ARHGEF4: variants seen among roughly 807,000 people sequenced by gnomAD.
ARHGEF4 encodes Rho guanine nucleotide exchange factor 4.
ARHGEF4 carries 119 observed loss-of-function variants against 162.0 expected under a neutral mutation model. That is an observed-to-expected ratio of 0.73 (90% CI 0.63 to 0.86). The LOEUF is 0.86. Among genes scored for constraint, ARHGEF4 ranks in the 40% least tolerant of loss-of-function variants. The probability of loss-of-function intolerance (pLI) is 0.00; values close to 1 mark genes in which losing one functional copy is unlikely to be tolerated. For synonymous variants in ARHGEF4, 1,014 were observed against 979.9 expected (o/e 1.03, Z -0.65); for missense variants, 2,488 against 2,456.0 (o/e 1.01, Z -0.28).
Position 130,987,164 on chromosome 2 carries a change from C to G in ARHGEF4, c.3985+40529C>G, listed in dbSNP as rs78026993. ...GTGGGCAGCACTGCACTGCCTGGTA[C>G]CACACACCATCTGGGCAGGTCGTGG... On this transcript the variant is annotated intron_variant, in intron 4 of 13. Coordinates refer to ENST00000409359, the MANE Select transcript of ARHGEF4 (RefSeq NM_001367493.1). Among the ~76,000 whole-genome samples the G allele has an allele frequency of 2.8e-4, 43 of 152,316 alleles. No homozygotes were observed. In the East Asian group the frequency reaches 8.3e-3, roughly 29 times the overall value.
chr2:130,901,525 T>C (rs563527485), intron 1 of ARHGEF4, among the ~76,000 whole-genome samples: 15 of 108,542 alleles, frequency 1.4e-4, no homozygotes, highest in Admixed American at 1.4e-3. Context: ...CCCATATTCT[T>C]TTTTTTTTTT....
chr2:131,029,613 C>T (rs1036554826), intron 5 of ARHGEF4, among the ~76,000 whole-genome samples: 1 of 149,036 alleles, frequency 6.7e-6, no homozygotes, highest in Admixed American at 6.7e-5. Context: ...TGCATTGGCA[C>T]AGTGGTCTCG....
At chr2:130,922,922 T>TTATATA (rs1681972835) in intron 2 of ARHGEF4, among the ~76,000 whole-genome samples, 1 of 40,760 alleles carries the variant, frequency 2.5e-5, no homozygotes, top group Non-Finnish European at 1.3e-4. Flanking sequence ...CCCTCTTTAA[T>TTATATA]GATATATATA....
chr2:130,906,106 T>C (rs139700755), intron 1 of ARHGEF4, among the ~76,000 whole-genome samples: 2,028 of 152,372 alleles, frequency 0.013, 26 homozygotes, highest in South Asian at 0.028. Context: ...TCCTTATTTT[T>C]AATTCTTGAG....
At chr2:131,035,261 G>C (rs1229678364) in intron 5 of ARHGEF4, 1 of 1,221,952 alleles carries the variant, frequency 8.2e-7, no homozygotes, top group Non-Finnish European at 1.0e-6. Flanking sequence ...GCCTTCCGCT[G>C]AGCGGCCGCG....
chr2:131,021,060 G>T (rs1689095506), intron 4 of ARHGEF4, among the ~76,000 whole-genome samples: 1 of 151,800 alleles, frequency 6.6e-6, no homozygotes, highest in South Asian at 2.1e-4. Flanking sequence ...AAATTTGTTT[G>T]AGTTCATTGT....
chr2:130,875,750 C>A (rs1328033248), intron 1 of ARHGEF4, among the ~76,000 whole-genome samples: 4 of 152,218 alleles, frequency 2.6e-5, no homozygotes, highest in African/African-American at 7.2e-5. Flanking sequence ...ATAGCTCCTA[C>A]CAAGATATTC....
At chr2:131,023,924 G>A (rs1689305889) in intron 4 of ARHGEF4, among the ~76,000 whole-genome samples, 2 of 152,214 alleles carry the variant, frequency 1.3e-5, no homozygotes, top group South Asian at 4.1e-4. Flanking sequence ...TCCATGGAAT[G>A]ACATGGAATA....
intron 4 of ARHGEF4, among the ~76,000 whole-genome samples, chr2:131,022,552 TCGGTGG>T (rs1206531237): frequency 6.6e-6 from 1 of 151,984 alleles, no homozygotes; most frequent in African/African-American, 2.4e-5. Context: ...CAAAAGCAAT[TCGGTGG>T]AGAAATGATA....
intron 5 of ARHGEF4, among the ~76,000 whole-genome samples, chr2:131,032,962 C>T (rs1224049776): frequency 1.3e-5 from 2 of 150,332 alleles, no homozygotes; most frequent in Non-Finnish European, 2.9e-5. Flanking sequence ...AAGTGATCCT[C>T]CCACCTCAGT....
At chr2:130,996,232 C>T (rs778281825) in intron 4 of ARHGEF4, among the ~76,000 whole-genome samples, 1 of 152,182 alleles carries the variant, frequency 6.6e-6, no homozygotes. Flanking sequence ...GGAATGGGCA[C>T]CCTGGCTCCC....
chr2:131,035,673 A>G lies in ARHGEF4; in HGVS notation c.4126-3180A>G, dbSNP rs114173172. The G allele has an allele frequency of 6.4e-3, 6,303 of 987,220 alleles. 106 individuals carry two copies. The highest frequency in any genetic ancestry group is 0.06 in the African/African-American group (3,448 of 57,434). The allele number at this position is 987,220 out of a possible 1,614,324, so 61.2% of individuals were successfully genotyped here. On this transcript the variant is annotated intron_variant, in intron 5 of 13. Transcript: ENST00000409359. ...GGAAGACCCCCGGGCACCGCTGCGCATGTTACCTGCAGTTGTTTTTCCCGT... is the reference window on the plus strand; with the variant it reads ...GGAAGACCCCCGGGCACCGCTGCGCGTGTTACCTGCAGTTGTTTTTCCCGT...
chr2:130,844,697 C>T (rs1680832686), intron 1 of ARHGEF4, among the ~76,000 whole-genome samples: 1 of 152,084 alleles, frequency 6.6e-6, no homozygotes, highest in African/African-American at 2.4e-5. Context: ...AACCCCTTCA[C>T]TCTCAGGGGC....
rs1690522717 is a variant in ARHGEF4, at chr2:131,038,913, GACCA to G, written c.4187_4190del (p.Asp1396GlyfsTer13). The G allele has an allele frequency of 1.2e-6, 2 of 1,613,516 alleles. No homozygotes were observed. Among genetic ancestry groups the G allele is most frequent in the Admixed American group, 3.3e-5 (2 of 60,004 alleles). ...ACTCTGGGACCATGTCACCATGGACGACCAGGAGCTGGGCTTCAAAGCTGGGGAC... is the reference window on the plus strand; with the variant it reads ...ACTCTGGGACCATGTCACCATGGACGGGAGCTGGGCTTCAAAGCTGGGGAC... On this transcript the variant is annotated frameshift_variant, in exon 6 of 14. Transcript: ENST00000409359. LOFTEE classifies it high-confidence loss of function.
rs560054934 is a variant in ARHGEF4, at chr2:130,952,952, A to C, written c.3985+6317A>C. Among the ~76,000 whole-genome samples the C allele has an allele frequency of 2.2e-3, 333 of 152,340 alleles. 2 individuals are homozygous for C. Among genetic ancestry groups the C allele is most frequent in the African/African-American group, 7.6e-3 (315 of 41,576 alleles). ...CATTCCATGCTCATGGATAGGAAGAATCAATATCATGAAAATGGCCATACT... is the reference window on the plus strand; with the variant it reads ...CATTCCATGCTCATGGATAGGAAGACTCAATATCATGAAAATGGCCATACT... On this transcript the variant is annotated intron_variant, in intron 4 of 13. Coordinates refer to ENST00000409359, the MANE Select transcript of ARHGEF4 (RefSeq NM_001367493.1).
At chr2:131,030,240 G>A (rs1689757937) in intron 5 of ARHGEF4, among the ~76,000 whole-genome samples, 1 of 38,962 alleles carries the variant, frequency 2.6e-5, no homozygotes, top group African/African-American at 3.5e-5. Context: ...TGGCGAAGAG[G>A]TGTTTTTTTG....
At chr2:131,003,935 A>C (rs1289358134) in intron 4 of ARHGEF4, among the ~76,000 whole-genome samples, 2 of 152,208 alleles carry the variant, frequency 1.3e-5, no homozygotes, top group Non-Finnish European at 2.9e-5. Context: ...GTTTTCACCG[A>C]AACAGGACTT....
intron 1 of ARHGEF4, among the ~76,000 whole-genome samples, chr2:130,903,250 T>TA (rs1574195689): frequency 6.6e-6 from 1 of 151,182 alleles, no homozygotes; most frequent in Non-Finnish European, 1.5e-5. Flanking sequence ...ATCTTGACTT[T>TA]TTTTTTTCTT....
chr2:130,934,744 A>G (rs1291702592), intron 3 of ARHGEF4, among the ~76,000 whole-genome samples: 1 of 152,178 alleles, frequency 6.6e-6, no homozygotes, highest in Non-Finnish European at 1.5e-5. Flanking sequence ...GGGTTTCACC[A>G]TGTTGGCCAG....
Sources: allele counts gnomAD v4.1 joint callset (sites outside exome capture counted in the v4.1 genomes callset), GRCh38; gene constraint gnomAD v4.1.1; transcripts MANE v1.5; gene names NCBI Gene and HGNC (gene_info 2026-07-23, HGNC 2026-07-21).